LSM4: variants seen among roughly 807,000 people sequenced by gnomAD.
LSM4 encodes the protein LSM4 homolog, U6 small nuclear RNA and mRNA degradation associated.
In LSM4, 15 loss-of-function variants were observed where a neutral mutation model predicts 22.3. That is an observed-to-expected ratio of 0.67 (90% CI 0.45 to 1.03). The LOEUF (loss-of-function observed/expected upper bound fraction) is 1.03, where lower values mean the gene tolerates loss of function less well. Ranked by LOEUF, LSM4 falls within the 50% of genes least tolerant of loss-of-function variation. The pLI, the probability that LSM4 is intolerant of heterozygous loss-of-function variation, is 0.00. For missense variants in LSM4, 127 were observed against 198.0 expected (o/e 0.64, Z 2.15); for synonymous variants, 90 against 79.8 (o/e 1.13, Z -0.68).
Position 18,307,575 on chromosome 19 carries a change from C to T in LSM4, c.329-20G>A, listed in dbSNP as rs746494001. The stretch of plus-strand genomic sequence containing the variant: ...ACACACCTAGAGGACAGAGAGAGGG[C>T]GCTGCAGCAGAGCCAGGTGGGTGGG... On this transcript the variant is annotated intron_variant, in intron 4 of 4. Coordinates refer to ENST00000593829, the MANE Select transcript of LSM4 (RefSeq NM_012321.5). The T allele has an allele frequency of 2.0e-6, 3 of 1,476,768 alleles. No homozygotes were observed. Among genetic ancestry groups the T allele is most frequent in the South Asian group, 1.3e-5 (1 of 76,298 alleles). The allele number at this position is 1,476,768 out of a possible 1,614,324, so 91.5% of individuals were successfully genotyped here.
chr19:18,315,045 C>G (rs955405789), intron 2 of LSM4, among the ~76,000 whole-genome samples: 2 of 152,070 alleles, frequency 1.3e-5, no homozygotes, highest in Non-Finnish European at 2.9e-5. Flanking sequence ...CCATCACGCC[C>G]GGCTAATTTT....
chr19:18,308,626 G>A (rs1457372346), intron 4 of LSM4, among the ~76,000 whole-genome samples: 2 of 152,202 alleles, frequency 1.3e-5, no homozygotes, highest in Non-Finnish European at 2.9e-5. Flanking sequence ...TCTGGGGACA[G>A]GAGGACTGAC....
intron 4 of LSM4, chr19:18,309,430 A>C: frequency 3.8e-6 from 2 of 528,506 alleles, no homozygotes; most frequent in Non-Finnish European, 3.3e-6. Context: ...TCAGAGGGGA[A>C]ACTGAGGCTT....
At chr19:18,315,444 C>A (rs763630373) in intron 2 of LSM4, among the ~76,000 whole-genome samples, 1 of 151,816 alleles carries the variant, frequency 6.6e-6, no homozygotes, top group Non-Finnish European at 1.5e-5. Context: ...AGCCACCATG[C>A]CCAACCTGAA....
chr19:18,307,348 C>T lies in LSM4; in HGVS notation c.*116G>A, dbSNP rs1179919403. 6 of 794,288 alleles carry T rather than the reference C, an allele frequency of 7.6e-6. No individual in the cohort carries two copies. In the South Asian group the frequency reaches 1.3e-4, roughly 17 times the overall value. The allele number at this position is 794,288 out of a possible 1,614,324, so 49.2% of individuals were successfully genotyped here. Reference sequence around the variant, plus strand: ...ACCTAAAAGGGAGGGTCACAAAACACGAAGGGGGTTCCCCCTGGCGCCTGC... The same window carrying T: ...ACCTAAAAGGGAGGGTCACAAAACATGAAGGGGGTTCCCCCTGGCGCCTGC... On this transcript the variant is annotated 3_prime_UTR_variant, in exon 5 of 5. Transcript: ENST00000593829.
At chr19:18,317,814 C>T (rs1314984584) in intron 1 of LSM4, among the ~76,000 whole-genome samples, 2 of 152,124 alleles carry the variant, frequency 1.3e-5, no homozygotes, top group Non-Finnish European at 2.9e-5. Flanking sequence ...TATAGGTATG[C>T]ACCACCACGC....
rs535936940 is a variant in LSM4, at chr19:18,316,623, C to T, written c.4-558G>A. 1.3e-5 allele frequency among the ~76,000 whole-genome samples: 2 copies of T among 152,282 alleles called. 1 individual carries two copies. Among genetic ancestry groups the T allele is most frequent in the African/African-American group, 4.8e-5 (2 of 41,568 alleles). On this transcript the variant is annotated intron_variant, in intron 1 of 4. Coordinates refer to ENST00000593829, the MANE Select transcript of LSM4 (RefSeq NM_012321.5). Reference sequence around the variant, plus strand: ...TCGGCTTCCCAAAGTGCTGGGATTACAGGCATGAGCCACCGTGCCTGCCCT... The same window carrying T: ...TCGGCTTCCCAAAGTGCTGGGATTATAGGCATGAGCCACCGTGCCTGCCCT...
intron 1 of LSM4, among the ~76,000 whole-genome samples, chr19:18,319,475 T>G (rs1970399590): frequency 6.6e-6 from 1 of 151,774 alleles, no homozygotes; most frequent in Non-Finnish European, 1.5e-5. Flanking sequence ...GGCAGAAGAA[T>G]CGCTTGAACC....
intron 2 of LSM4, among the ~76,000 whole-genome samples, chr19:18,314,254 C>T (rs780406834): frequency 2.6e-5 from 4 of 151,862 alleles, no homozygotes; most frequent in Non-Finnish European, 2.9e-5. Context: ...GTAGGCCGGG[C>T]GTGAGCCTGT....
chr19:18,316,169 G>T (rs745445451), intron 1 of LSM4, 104 bp from the exon 2 acceptor site: 2 of 1,030,286 alleles, frequency 1.9e-6, no homozygotes, highest in Non-Finnish European at 1.5e-6. Flanking sequence ...TGCGGTTGAG[G>T]GGGCACAGGA....
chr19:18,316,014 G>C lies in LSM4; in HGVS notation c.45+10C>G. ...CTCAAACAGGCTTTCCCAGACCACT[G>C]AGTACTCACCATGGGGTGATTCTGA... On this transcript the variant is annotated intron_variant, in intron 2 of 4. Transcript: ENST00000593829. 1 of 1,613,140 alleles carries C rather than the reference G, an allele frequency of 6.2e-7. No homozygotes were observed. Among genetic ancestry groups the C allele is most frequent in the Non-Finnish European group, 8.5e-7 (1 of 1,179,474 alleles).
chr19:18,316,261 G>A (rs1159883000), intron 1 of LSM4, 196 bp from the exon 2 acceptor site: 1 of 502,158 alleles, frequency 2.0e-6, no homozygotes, highest in Non-Finnish European at 3.6e-6. Context: ...TCTCAGATTA[G>A]GAAGAAAAGC....
At chr19:18,320,372 T>A (rs1259302165) in intron 1 of LSM4, among the ~76,000 whole-genome samples, 6 of 152,056 alleles carry the variant, frequency 3.9e-5, no homozygotes, top group Non-Finnish European at 5.9e-5. Context: ...CCAGGTTTAG[T>A]GATGCATGCC....
At chr19:18,317,426 G>A (rs1411223772) in intron 1 of LSM4, among the ~76,000 whole-genome samples, 4 of 151,314 alleles carry the variant, frequency 2.6e-5, no homozygotes, top group East Asian at 2.0e-4. Context: ...TCCGCCTCCC[G>A]GGTTCATGCC....
chr19:18,312,394 A>G (rs1019542023), intron 3 of LSM4: 4 of 532,462 alleles, frequency 7.5e-6, no homozygotes, highest in Admixed American at 6.6e-5. Context: ...ACACAGCAGG[A>G]AAGTCTCCCA....
intron 4 of LSM4, among the ~76,000 whole-genome samples, chr19:18,308,911 A>G (rs574177232): frequency 1.1e-4 from 17 of 152,282 alleles, no homozygotes; most frequent in African/African-American, 3.9e-4. Context: ...CCTGCAGAGC[A>G]GCCAGAGAAA....
intron 2 of LSM4, among the ~76,000 whole-genome samples, chr19:18,313,762 T>A (rs551444854): frequency 1.1e-4 from 16 of 152,304 alleles, no homozygotes; most frequent in African/African-American, 3.1e-4. Context: ...GTGATCCTCC[T>A]GTCTTGGCCT....
intron 3 of LSM4, 45 bp downstream of exon 3, chr19:18,312,559 G>C (rs780981079): frequency 1.2e-5 from 18 of 1,521,240 alleles, no homozygotes; most frequent in Non-Finnish European, 1.6e-5. Flanking sequence ...GAGGCTGAGT[G>C]TGCACCCCCT....
intron 3 of LSM4, among the ~76,000 whole-genome samples, chr19:18,311,790 C>T (rs1970301620): frequency 6.6e-6 from 1 of 152,168 alleles, no homozygotes; most frequent in Non-Finnish European, 1.5e-5. Context: ...AGGCCCAGTC[C>T]CGGGTGGGGG....
Sources: allele counts gnomAD v4.1 joint callset (sites outside exome capture counted in the v4.1 genomes callset), GRCh38; gene constraint gnomAD v4.1.1; transcripts MANE v1.5; gene names NCBI Gene and HGNC (gene_info 2026-07-23, HGNC 2026-07-21).